Variants in PHF14 observed in about 807,000 individuals in gnomAD.
PHF14 encodes the protein PHD finger protein 14.
Under a neutral mutation model 117.9 loss-of-function variants are expected in PHF14, and 55 were observed. The ratio of observed to expected loss-of-function variants is 0.47; its 90% CI spans 0.38 to 0.58. The LOEUF is 0.58. Ranked by LOEUF, PHF14 falls within the 20% of genes least tolerant of loss-of-function variation. PHF14 has a pLI of 0.00. For missense variants in PHF14, 978 were observed against 1,122.2 expected, an observed-to-expected ratio of 0.87 and a Z score of 1.84; for synonymous variants, 409 against 368.6, an observed-to-expected ratio of 1.11 and a Z score of -1.26.
intron 3 of PHF14, among the ~76,000 whole-genome samples, 180 bp downstream of exon 3, chr7:10,983,339 A>G (rs1324955981): frequency 3.3e-5 from 5 of 152,156 alleles, no homozygotes; most frequent in Non-Finnish European, 5.9e-5. Context: ...TTAAATATCT[A>G]CTATTTGTCA....
intron 4 of PHF14, among the ~76,000 whole-genome samples, chr7:11,010,185 T>C (rs1201014674): frequency 2.6e-5 from 4 of 152,148 alleles, no homozygotes; most frequent in Non-Finnish European, 5.9e-5. Flanking sequence ...GCATAGCACA[T>C]GGAGAAAATA....
chr7:11,092,782 C>A (rs1439207847), intron 16 of PHF14, among the ~76,000 whole-genome samples: 1 of 152,046 alleles, frequency 6.6e-6, no homozygotes, highest in Non-Finnish European at 1.5e-5. Flanking sequence ...ACTCTTAGGG[C>A]TTTTAGGGAG....
Position 11,038,821 on chromosome 7 carries a change from G to T in PHF14, c.2042G>T (p.Gly681Val). Residue 681 changes from glycine to valine, a missense_variant, in exon 11 of 18, where the codon GGA (glycine) becomes GTA (valine). This residue lies in a region of PHF14 where 237 missense variants were observed against 276.4 expected (regional missense o/e 0.86). Coordinates refer to ENST00000634607, the MANE Select transcript of PHF14 (RefSeq NM_001007157.2). ...GGAAAACTTCGAAGTGAAGGACAAG[G>T]AATATGGGCTTTACTAGGCAGAATC... ...LNGKLRSEGQ[G>V]IWALLGRITG... is the part of the protein sequence containing the mutation. The T allele has an allele frequency of 6.3e-7, 1 of 1,588,724 alleles. No individual in the cohort carries two copies. Among genetic ancestry groups the T allele is most frequent in the Non-Finnish European group, 8.6e-7 (1 of 1,164,610 alleles).
intron 16 of PHF14, among the ~76,000 whole-genome samples, chr7:11,064,127 T>G (rs879539258): frequency 2.0e-5 from 3 of 151,938 alleles, no homozygotes; most frequent in Non-Finnish European, 4.4e-5. Context: ...CCATAAAATA[T>G]TTTTGGTTAT....
chr7:10,990,554 T>C, intron 3 of PHF14, 149 bp from the exon 4 acceptor site: 1 of 556,760 alleles, frequency 1.8e-6, no homozygotes, highest in Non-Finnish European at 3.1e-6. Context: ...TCAAATATAA[T>C]GTACTTTGAA....
intron 17 of PHF14, among the ~76,000 whole-genome samples, chr7:11,149,004 A>G (rs968296564): frequency 1.3e-5 from 2 of 152,154 alleles, no homozygotes; most frequent in Non-Finnish European, 2.9e-5. Flanking sequence ...ATTCCTTGAA[A>G]TAGGGTTTTT....
At chr7:11,062,141 C>G (rs903893942) in intron 16 of PHF14, 56 bp downstream of exon 16, 1 of 1,443,262 alleles carries the variant, frequency 6.9e-7, no homozygotes, top group African/African-American at 1.4e-5. Context: ...TATTTATTTT[C>G]TCATCACAGA....
intron 14 of PHF14, among the ~76,000 whole-genome samples, chr7:11,052,732 A>G (rs1784885976): frequency 6.6e-6 from 1 of 152,086 alleles, no homozygotes; most frequent in Non-Finnish European, 1.5e-5. Flanking sequence ...CTATTTACAT[A>G]TTTTTGGTAA....
At chr7:11,123,036 C>T (rs1002017822) in intron 17 of PHF14, among the ~76,000 whole-genome samples, 2 of 152,146 alleles carry the variant, frequency 1.3e-5, no homozygotes, top group Non-Finnish European at 2.9e-5. Flanking sequence ...CAGTGAACTT[C>T]TTCTCTCCTG....
intron 17 of PHF14, among the ~76,000 whole-genome samples, chr7:11,140,553 A>C (rs747295419): frequency 6.6e-6 from 1 of 152,088 alleles, no homozygotes; most frequent in Non-Finnish European, 1.5e-5. Flanking sequence ...TTTTGTGATG[A>C]GATCTTTCAT....
intron 5 of PHF14, among the ~76,000 whole-genome samples, chr7:11,021,364 A>G (rs1783729348): frequency 6.6e-6 from 1 of 152,234 alleles, no homozygotes; most frequent in Non-Finnish European, 1.5e-5. Flanking sequence ...ACAGATGAGC[A>G]AGAAACTATT....
chr7:11,051,108 A>C (rs1784838562), intron 13 of PHF14, among the ~76,000 whole-genome samples: 2 of 152,034 alleles, frequency 1.3e-5, no homozygotes, highest in African/African-American at 4.8e-5. Flanking sequence ...TGTTGAGATC[A>C]TAGCTCACTG....
intron 17 of PHF14, among the ~76,000 whole-genome samples, chr7:11,120,506 G>A (rs981291111): frequency 2.1e-4 from 32 of 152,092 alleles, no homozygotes; most frequent in African/African-American, 7.5e-4. Flanking sequence ...ACTAAACAGG[G>A]GAAGGTCAAG....
At chr7:11,038,048 C>T (rs1420437816) in intron 10 of PHF14, among the ~76,000 whole-genome samples, 1 of 152,062 alleles carries the variant, frequency 6.6e-6, no homozygotes, top group Non-Finnish European at 1.5e-5. Flanking sequence ...AAACAAAATG[C>T]TTACAGCAAC....
In PHF14 at chr7:11,035,765, G is replaced by T; in HGVS notation, c.1581G>T (p.Lys527Asn). 6.2e-7 allele frequency: 1 copy of T among 1,606,390 alleles called. No individual in the cohort carries two copies. The highest frequency in any genetic ancestry group is 8.5e-7 in the Non-Finnish European group (1 of 1,176,018). Residue 527 changes from lysine (K) to asparagine (N), a missense_variant, in exon 8 of 18, where the codon AAG (lysine) becomes AAT (asparagine). By Grantham distance (94) the Lys-to-Asn change is moderately conservative (BLOSUM62 0). Transcript: ENST00000634607. ...YCKMSLQEREKQLSPEAQARI... is the reference protein window; with the variant it reads ...YCKMSLQERENQLSPEAQARI... ...AAATGTCTTTGCAAGAGAGAGAGAA[G>T]CAACTATCACCAGAAGCACAGGTAT...
intron 17 of PHF14, among the ~76,000 whole-genome samples, chr7:11,162,347 T>C (rs1313415873): frequency 1.3e-5 from 2 of 152,016 alleles, no homozygotes; most frequent in Non-Finnish European, 2.9e-5. Flanking sequence ...ACCTCGGCCT[T>C]CCACAGTGCC....
rs1788057905 is a variant in PHF14, at chr7:11,130,251, C to CAT, written c.2772+18784_2772+18785insAT. On this transcript the variant is annotated intron_variant, in intron 17 of 17. Transcript: ENST00000634607. This position sits in a 1 kb window ranked among gnomAD's most constrained non-coding sequence, Gnocchi z 4.2. ...ACTCCAGGCCACATTCCTCAGATGACGCAGTCAAACCTAACTTTAAGAAGC... is the reference window on the plus strand; with the variant it reads ...ACTCCAGGCCACATTCCTCAGATGACATGCAGTCAAACCTAACTTTAAGAAGC... Among the ~76,000 whole-genome samples the CAT allele has an allele frequency of 6.6e-6, 1 of 151,968 alleles. No homozygotes were observed. Among genetic ancestry groups the CAT allele is most frequent in the African/African-American group, 2.4e-5 (1 of 41,414 alleles).
At chr7:11,062,918 T>G (rs1056746970) in intron 16 of PHF14, 115 of 981,930 alleles carry the variant, frequency 1.2e-4, no homozygotes, top group Non-Finnish European at 1.3e-4. Context: ...TTTAAAAAAT[T>G]GTCTTCTGGT....
intron 17 of PHF14, among the ~76,000 whole-genome samples, chr7:11,157,691 G>T (rs544003020): frequency 6.6e-6 from 1 of 152,186 alleles, no homozygotes; most frequent in Admixed American, 6.5e-5. Context: ...AACTGCAAGC[G>T]TTTAAAAACA....
Sources: allele counts gnomAD v4.1 joint callset (sites outside exome capture counted in the v4.1 genomes callset), GRCh38; gene constraint gnomAD v4.1.1; regional missense constraint gnomAD v4.1.1; non-coding constraint Gnocchi (gnomAD v3.1); transcripts MANE v1.5; gene names NCBI Gene and HGNC (gene_info 2026-07-23, HGNC 2026-07-21).